The following SMURF2 variants were observed in gnomAD, a reference collection of about 807,000 sequenced individuals.
SMURF2 encodes E3 ubiquitin-protein ligase SMURF2.
A neutral mutation model predicts 109.6 loss-of-function variants in SMURF2; 48 were observed. The observed-to-expected ratio is 0.44, with a 90% CI of 0.35 to 0.56. SMURF2 has a LOEUF of 0.56. Ranked by LOEUF, SMURF2 falls within the 20% of genes least tolerant of loss-of-function variation. SMURF2 has a pLI of 0.01. For missense variants in SMURF2, 575 were observed against 909.0 expected (o/e 0.63, Z 4.72); for synonymous variants, 288 against 317.1 (o/e 0.91, Z 0.97).
chr17:64,617,062 G>C lies in SMURF2; in HGVS notation c.53-10422C>G, dbSNP rs537336034. Among the ~76,000 whole-genome samples the C allele has an allele frequency of 1.7e-4, 14 of 80,458 alleles. No homozygotes were observed. In the South Asian group the frequency reaches 6.6e-3, roughly 38 times the overall value. 52.8% of individuals were successfully genotyped at this position (80,458 alleles called of 152,430 possible). A position where few individuals can be genotyped will look rare whatever the true frequency, so the allele number is the denominator to read the frequency against. On this transcript the variant is annotated intron_variant, in intron 1 of 18. Coordinates refer to ENST00000262435, the MANE Select transcript of SMURF2 (RefSeq NM_022739.4). ...AGCCTGGGCAACAGAATGAGACCTT[G>C]TCTAAAAAAAAAAAAAAAAAAAAAA...
chr17:64,650,930 G>T (rs1970628841), intron 1 of SMURF2, among the ~76,000 whole-genome samples: 1 of 151,356 alleles, frequency 6.6e-6, no homozygotes, highest in Non-Finnish European at 1.5e-5. Context: ...AAAATCTGCT[G>T]GCTGGGCGCG....
chr17:64,585,084 A>T (rs1555686964), intron 6 of SMURF2, among the ~76,000 whole-genome samples: 1 of 152,244 alleles, frequency 6.6e-6, no homozygotes, highest in Non-Finnish European at 1.5e-5. Flanking sequence ...ATAAAAAATA[A>T]TTGGAGTTAA....
chr17:64,569,921 C>T (rs2144618907), intron 10 of SMURF2, among the ~76,000 whole-genome samples: 1 of 152,282 alleles, frequency 6.6e-6, no homozygotes, highest in African/African-American at 2.4e-5. Flanking sequence ...CCCTAATGCA[C>T]AGAAACAGTC....
intron 1 of SMURF2, among the ~76,000 whole-genome samples, chr17:64,626,271 A>C (rs1347362193): frequency 4.0e-5 from 6 of 151,824 alleles, no homozygotes; most frequent in Admixed American, 2.0e-4. Context: ...AAAAAAAAAA[A>C]AAACAAAAAA....
intron 1 of SMURF2, among the ~76,000 whole-genome samples, chr17:64,658,077 G>A (rs111924588): frequency 3.3e-5 from 5 of 152,132 alleles, no homozygotes; most frequent in African/African-American, 9.6e-5. Context: ...ATTATGGGCC[G>A]GGTGCCGTGG....
At chr17:64,637,316 G>A (rs775174131) in intron 1 of SMURF2, among the ~76,000 whole-genome samples, 16 of 151,020 alleles carry the variant, frequency 1.1e-4, no homozygotes, top group Admixed American at 3.3e-4. Context: ...TAGTAGAGAC[G>A]GGGTTTCATC....
chr17:64,577,451 G>A (rs139230008), intron 9 of SMURF2, among the ~76,000 whole-genome samples: 1 of 152,082 alleles, frequency 6.6e-6, no homozygotes, highest in East Asian at 1.9e-4. Flanking sequence ...TATACCTAAT[G>A]TAAATGACAA....
intron 1 of SMURF2, among the ~76,000 whole-genome samples, chr17:64,639,432 C>T (rs185017276): frequency 2.0e-5 from 3 of 152,140 alleles, no homozygotes; most frequent in Admixed American, 1.3e-4. Flanking sequence ...CAAAAATTAG[C>T]CAAGCCTGGT....
At chr17:64,619,002 C>T (rs1173113583) in intron 1 of SMURF2, among the ~76,000 whole-genome samples, 2 of 152,122 alleles carry the variant, frequency 1.3e-5, no homozygotes, top group Non-Finnish European at 2.9e-5. Context: ...CATCTGTAAA[C>T]ATGAGGACAG....
chr17:64,591,002 A>T (rs1197815336), intron 5 of SMURF2, 82 bp downstream of exon 5: 1 of 994,202 alleles, frequency 1.0e-6, no homozygotes, highest in Non-Finnish European at 1.5e-6. Flanking sequence ...AGCTACAGTT[A>T]TTATACTTTG....
rs1350762374 is a variant in SMURF2, at chr17:64,636,430, C to G, written c.52+25399G>C. ...CCAGCCTGGCCAACATGGCAAAACT[C>G]CATCTCTACTAAAAATATAAACATT... On this transcript the variant is annotated intron_variant, in intron 1 of 18. Coordinates refer to ENST00000262435, the MANE Select transcript of SMURF2 (RefSeq NM_022739.4). 2.6e-5 allele frequency among the ~76,000 whole-genome samples: 4 copies of G among 151,988 alleles called. No individual in the cohort carries two copies. In the East Asian group the frequency reaches 7.7e-4, roughly 29 times the overall value.
At chr17:64,552,520 C>G (rs980051080) in intron 15 of SMURF2, among the ~76,000 whole-genome samples, 1 of 152,116 alleles carries the variant, frequency 6.6e-6, no homozygotes, top group South Asian at 2.1e-4. Flanking sequence ...GACAGCAAAA[C>G]TGTGTAACTG....
intron 1 of SMURF2, among the ~76,000 whole-genome samples, chr17:64,656,905 C>T (rs1367116302): frequency 2.4e-4 from 37 of 152,046 alleles, no homozygotes; most frequent in Non-Finnish European, 1.5e-5. Flanking sequence ...CAATGGTTCC[C>T]CCCACCTTAA....
chr17:64,573,009 A>G (rs1385936493), intron 9 of SMURF2: 5 of 151,622 alleles, frequency 3.3e-5, no homozygotes, highest in African/African-American at 1.2e-4. Flanking sequence ...TGAATACTTT[A>G]GGTTACCAGA....
chr17:64,596,569 G>A (rs1340635749), intron 3 of SMURF2, among the ~76,000 whole-genome samples: 5 of 65,080 alleles, frequency 7.7e-5, no homozygotes, highest in African/African-American at 2.9e-4. Flanking sequence ...AAAGTTCACC[G>A]AAACAGGAGA....
rs1555683615 is a variant in SMURF2 at position 64,551,628 on chromosome 17, T to C, written c.1825A>G (p.Ile609Val). Residue 609 changes from isoleucine to valine, a missense_variant, in exon 16 of 19, where the codon ATT becomes GTT. Physicochemically the swap from Ile to Val is conservative, Grantham distance 29 (BLOSUM62 3). This residue lies in a region of SMURF2 where 361 missense variants were observed against 612.1 expected (regional missense o/e 0.59). Transcript: ENST00000262435. ...LALQKGFNEV[I>V]PQHLLKTFDE... ...AATGTCTTCAGCAGATGTTGTGGAA[T>C]TACTTCATTAAATCCTTTCTGCAGA... The C allele has an allele frequency of 2.5e-6, 4 of 1,613,998 alleles. No individual in the cohort carries two copies. The African/African-American group carries it at 5.3e-5, about 22-fold the overall frequency.
chr17:64,566,340 CTAATT>C (rs1407286505), intron 10 of SMURF2, among the ~76,000 whole-genome samples: 2 of 151,630 alleles, frequency 1.3e-5, no homozygotes, highest in Non-Finnish European at 2.9e-5. Context: ...TGAATAAAAA[CTAATT>C]TATCACTTTA....
intron 1 of SMURF2, among the ~76,000 whole-genome samples, chr17:64,648,642 C>T (rs1555693200): frequency 6.6e-6 from 1 of 152,104 alleles, no homozygotes; most frequent in Non-Finnish European, 1.5e-5. Context: ...CATGGTGCCA[C>T]ATACCTATAG....
intron 1 of SMURF2, among the ~76,000 whole-genome samples, chr17:64,634,248 G>C (rs548013390): frequency 6.6e-6 from 1 of 152,156 alleles, no homozygotes; most frequent in African/African-American, 2.4e-5. Flanking sequence ...TAAAGATGTG[G>C]CAAATCCCCT....
Sources: gnomAD v4.1 joint callset for allele counts (sites outside exome capture counted in the v4.1 genomes callset) on GRCh38, gnomAD v4.1.1 for gene constraint, gnomAD v4.1.1 regional missense constraint, MANE v1.5 for transcripts, NCBI Gene and HGNC (gene_info 2026-07-23, HGNC 2026-07-21) for gene names.